Variants in HS6ST2 observed in about 807,000 individuals in gnomAD.
HS6ST2 encodes heparan-sulfate 6-O-sulfotransferase 2.
HS6ST2 carries 17 observed loss-of-function variants against 33.0 expected under a neutral mutation model. That is an observed-to-expected ratio of 0.52 (90% CI 0.35 to 0.77). HS6ST2 has a LOEUF of 0.77. Ranked by LOEUF, HS6ST2 falls within the 30% of genes least tolerant of loss-of-function variation. The pLI is 0.01. For synonymous variants in HS6ST2, 248 were observed against 237.1 expected, an observed-to-expected ratio of 1.05 and a Z score of -0.42; for missense variants, 519 against 551.7, an observed-to-expected ratio of 0.94 and a Z score of 0.59.
At chrX:132,751,885 G>C (rs1425944453) in intron 2 of HS6ST2, among the ~76,000 whole-genome samples, 1 of 112,253 alleles carries the variant, frequency 8.9e-6, no homozygotes, top group Admixed American at 9.4e-5. Flanking sequence ...TCAACGATGA[G>C]AGCTATCATC....
intron 2 of HS6ST2, among the ~76,000 whole-genome samples, chrX:132,931,983 G>A (rs948600154): frequency 2.8e-5 from 3 of 108,997 alleles, no homozygotes; most frequent in South Asian, 4.2e-4. Flanking sequence ...TCAGGAGATC[G>A]AGACCATCCT....
At chrX:132,725,020 A>C (rs1057415882) in intron 2 of HS6ST2, among the ~76,000 whole-genome samples, 5 of 111,757 alleles carry the variant, frequency 4.5e-5, no homozygotes, top group African/African-American at 1.6e-4. Context: ...TAAAGACTTA[A>C]ATCTAAGACA....
intron 4 of HS6ST2, among the ~76,000 whole-genome samples, chrX:132,659,258 A>G (rs2063753145): frequency 1.8e-5 from 2 of 112,415 alleles, no homozygotes; most frequent in Non-Finnish European, 3.8e-5. Flanking sequence ...TAGTTCAGTC[A>G]TCAGTGAGCT....
chrX:132,782,432 C>T (rs947493864), intron 2 of HS6ST2, among the ~76,000 whole-genome samples: 5 of 111,464 alleles, frequency 4.5e-5, no homozygotes, highest in South Asian at 3.8e-4. Flanking sequence ...GAGTCTTGGG[C>T]GTAGAGAAGA....
intron 2 of HS6ST2, among the ~76,000 whole-genome samples, chrX:132,821,198 C>T (rs1223556419): frequency 3.0e-5 from 3 of 100,682 alleles, no homozygotes; most frequent in African/African-American, 1.1e-4. Context: ...GTTCCTGCTT[C>T]CCATTCCCAT....
intron 2 of HS6ST2, among the ~76,000 whole-genome samples, chrX:132,724,759 T>C (rs774642151): frequency 8.9e-6 from 1 of 111,979 alleles, no homozygotes; most frequent in Non-Finnish European, 1.9e-5. Context: ...CAAGTTATAC[T>C]ACAGAGCTAT....
chrX:132,961,135 A>G (rs1037243029), upstream of HS6ST2: 10 of 108,976 alleles, frequency 9.2e-5, no homozygotes, highest in Admixed American at 3.9e-4. Flanking sequence ...GGAGGCAAAA[A>G]AAAAAAAAAG....
intron 2 of HS6ST2, among the ~76,000 whole-genome samples, chrX:132,857,208 G>A (rs775954907): frequency 8.9e-6 from 1 of 112,325 alleles, no homozygotes; most frequent in South Asian, 3.7e-4. Flanking sequence ...ATCCTCGGCC[G>A]GGCGCGGTGG....
At chrX:132,890,284 C>CAT (rs1236761790) in intron 2 of HS6ST2, among the ~76,000 whole-genome samples, 1 of 109,376 alleles carries the variant, frequency 9.1e-6, no homozygotes, top group Non-Finnish European at 1.9e-5. Context: ...GTACCAAGGT[C>CAT]ATACAACTAT....
chrX:132,661,157 C>T lies in HS6ST2; in HGVS notation c.1067+7956G>A, dbSNP rs1018755504. Among the ~76,000 whole-genome samples the T allele has an allele frequency of 5.4e-5, 6 of 111,202 alleles. No individual in the cohort carries two copies. In the Middle Eastern group the frequency reaches 0.019, roughly 346 times the overall value. ...TGAGATTTGGGTGGGGACACATAGC[C>T]TAACCATATCACTATTCAACACTGT... On this transcript the variant is annotated intron_variant, in intron 4 of 4. Coordinates refer to ENST00000370833, the MANE Select transcript of HS6ST2 (RefSeq NM_001394073.1).
chrX:132,928,826 T>C lies in HS6ST2; in HGVS notation c.947+27982A>G, dbSNP rs1470720706. ...ACAGATCCTGGCACACAGTAAGCAC[T>C]TCATACTGAATGAATTAATAGCAGA... On this transcript the variant is annotated intron_variant, in intron 2 of 4. Transcript: ENST00000370833. Among the ~76,000 whole-genome samples the C allele has an allele frequency of 2.7e-5, 3 of 111,597 alleles. No homozygotes were observed. The East Asian group carries it at 8.5e-4, about 31-fold the overall frequency.
intron 3 of HS6ST2, among the ~76,000 whole-genome samples, chrX:132,692,107 C>A (rs1185050837): frequency 8.9e-6 from 1 of 112,260 alleles, no homozygotes; most frequent in Non-Finnish European, 1.9e-5. Context: ...TTGATTTCTT[C>A]ATCCAGCTCT....
intron 2 of HS6ST2, among the ~76,000 whole-genome samples, chrX:132,806,145 C>G (rs1231733039): frequency 9.1e-6 from 1 of 110,281 alleles, no homozygotes; most frequent in East Asian, 2.8e-4. Context: ...ATTCATCTTA[C>G]AAGGAGAAAC....
rs2063596956 is a variant in HS6ST2 at position 132,640,791 on chromosome X, TTAAAATTAATTTCA to T, written c.1068-11712_1068-11699del. Among the ~76,000 whole-genome samples the T allele has an allele frequency of 2.7e-5, 3 of 112,734 alleles. No individual in the cohort carries two copies. In the South Asian group the frequency reaches 1.1e-3, roughly 41 times the overall value. On this transcript the variant is annotated intron_variant, in intron 4 of 4. Coordinates refer to ENST00000370833, the MANE Select transcript of HS6ST2 (RefSeq NM_001394073.1). ...ATATTGGGTTAAATAAAATGTATTA[TTAAAATTAATTTCA>T]TCTGTATCCCCATTTTTAATGTGGA...
At chrX:132,718,621 C>T (rs1340502637) in intron 2 of HS6ST2, among the ~76,000 whole-genome samples, 2 of 111,131 alleles carry the variant, frequency 1.8e-5, no homozygotes, top group Non-Finnish European at 3.8e-5. Context: ...CTCTGAAGTG[C>T]TTCCTGTTTG....
chrX:132,930,884 C>A (rs1017771176), intron 2 of HS6ST2, among the ~76,000 whole-genome samples: 4 of 111,572 alleles, frequency 3.6e-5, no homozygotes, highest in African/African-American at 9.8e-5. Flanking sequence ...AACAGGGAGA[C>A]TGCTTGCTAA....
intron 2 of HS6ST2, among the ~76,000 whole-genome samples, chrX:132,813,483 C>G (rs2065368326): frequency 8.9e-6 from 1 of 111,813 alleles, no homozygotes; most frequent in Admixed American, 9.5e-5. Context: ...ATATGTCCAT[C>G]TGCTTACTGA....
At chrX:132,787,183 A>ATGTG (rs1569490902) in intron 2 of HS6ST2, among the ~76,000 whole-genome samples, 1 of 79,311 alleles carries the variant, frequency 1.3e-5, no homozygotes, top group Non-Finnish European at 2.2e-5. Context: ...ATATATATAT[A>ATGTG]TATACATATA....
chrX:132,728,749 T>C (rs2064423695), intron 2 of HS6ST2, among the ~76,000 whole-genome samples: 1 of 112,281 alleles, frequency 8.9e-6, no homozygotes, highest in South Asian at 3.7e-4. Context: ...CTTCAATGGG[T>C]TGTGAAGGCA....
Sources: allele counts gnomAD v4.1 joint callset (sites outside exome capture counted in the v4.1 genomes callset), GRCh38; gene constraint gnomAD v4.1.1; transcripts MANE v1.5; gene names NCBI Gene and HGNC (gene_info 2026-07-23, HGNC 2026-07-21).